SPATA31H1: variants seen among roughly 807,000 people sequenced by gnomAD.
SPATA31H1 encodes SPATA31 subfamily H member 1.
the SPATA31H1 span, among the ~76,000 whole-genome samples, chr2:27,560,159 C>G: frequency 1.3e-5 from 2 of 152,134 alleles, no homozygotes; most frequent in Non-Finnish European, 2.9e-5. Context: ...AGCCACCATG[C>G]CTGGCATTTT....
the SPATA31H1 span, among the ~76,000 whole-genome samples, chr2:27,554,571 T>TTTTTGTTTTG: frequency 0.49 from 74,254 of 150,658 alleles, 19,046 homozygotes; most frequent in East Asian, 0.84. Context: ...GAGTTTTTTG[T>TTTTTGTTTTG]TTTTGTTTTG....
the SPATA31H1 span, chr2:27,575,853 G>A: frequency 7.5e-6 from 3 of 398,274 alleles, no homozygotes; most frequent in Admixed American, 4.4e-5. This position sits in a 1 kb window ranked among gnomAD's most constrained non-coding sequence, Gnocchi z 4.1. Context: ...GTGCAACCCA[G>A]GGCCGTATTT....
the SPATA31H1 span, among the ~76,000 whole-genome samples, chr2:27,556,148 A>G: frequency 2.0e-5 from 3 of 151,664 alleles, no homozygotes; most frequent in Non-Finnish European, 4.4e-5. Flanking sequence ...AAAAAAAAAA[A>G]AAAAAAAAAT....
chr2:27,543,433 AT>A, the SPATA31H1 span, among the ~76,000 whole-genome samples: 6 of 151,254 alleles, frequency 4.0e-5, no homozygotes, highest in African/African-American at 1.5e-4. Context: ...CATTTAATTG[AT>A]TTTATATTAG....
At chr2:27,579,850 TAGC>T in the SPATA31H1 span, 1 of 1,614,184 alleles carries the variant, frequency 6.2e-7, no homozygotes, top group Non-Finnish European at 8.5e-7. Flanking sequence ...CAGCTAAAAA[TAGC>T]AGCAAAACTC....
At chr2:27,576,002 A>G in the SPATA31H1 span, 1 of 398,532 alleles carries the variant, frequency 2.5e-6, no homozygotes, top group Non-Finnish European at 4.4e-6. Flanking sequence ...AAGGTTTAAA[A>G]TCTGAATTGA....
chr2:27,566,508 G>C, the SPATA31H1 span: 1 of 638,012 alleles, frequency 1.6e-6, no homozygotes, highest in South Asian at 1.9e-5. Context: ...TGTGGGGGTA[G>C]TTCTGGGTTC....
the SPATA31H1 span, among the ~76,000 whole-genome samples, chr2:27,561,167 C>T: frequency 0.2 from 31,057 of 151,910 alleles, 3,378 homozygotes; most frequent in East Asian, 0.35. Context: ...CCTGTCCCTA[C>T]GAAAAATACA....
the SPATA31H1 span, among the ~76,000 whole-genome samples, chr2:27,543,559 A>C: frequency 9.2e-5 from 14 of 151,722 alleles, no homozygotes; most frequent in African/African-American, 3.2e-4. Context: ...AAAAAAAAAA[A>C]AATAGTCCAG....
chr2:27,558,867 G>A, the SPATA31H1 span, among the ~76,000 whole-genome samples: 2 of 118,514 alleles, frequency 1.7e-5, no homozygotes, highest in African/African-American at 3.2e-5. Flanking sequence ...TCCAGCCTTG[G>A]CTCGGCATCA....
the SPATA31H1 span, among the ~76,000 whole-genome samples, chr2:27,555,209 T>C: frequency 6.6e-6 from 1 of 151,990 alleles, no homozygotes; most frequent in African/African-American, 2.4e-5. Context: ...TTTTCTTATG[T>C]TGAAAAATCT....
chr2:27,581,245 G>A, the SPATA31H1 span: 147 of 1,614,038 alleles, frequency 9.1e-5, 3 homozygotes, highest in South Asian at 1.4e-3. Flanking sequence ...GAGAGAACCC[G>A]TCATAACCCC....
the SPATA31H1 span, chr2:27,568,591 C>A: frequency 2.5e-6 from 1 of 399,016 alleles, no homozygotes; most frequent in Non-Finnish European, 4.4e-6. Context: ...GGTAGGAGAT[C>A]TGTTCATCTG....
the SPATA31H1 span, among the ~76,000 whole-genome samples, chr2:27,548,182 C>T: frequency 5.3e-5 from 8 of 151,628 alleles, no homozygotes; most frequent in Admixed American, 1.3e-4. Context: ...GGGGTTTCAC[C>T]GTGGTCTGGA....
the SPATA31H1 span, chr2:27,578,026 T>C: frequency 6.2e-7 from 1 of 1,614,048 alleles, no homozygotes; most frequent in Non-Finnish European, 8.5e-7. Context: ...CTAGATCAAG[T>C]CACAGAATCT....
At chr2:27,539,378 AT>A in the SPATA31H1 span, among the ~76,000 whole-genome samples, 1 of 134,516 alleles carries the variant, frequency 7.4e-6, no homozygotes, top group African/African-American at 3.0e-5. Flanking sequence ...ACCGCCCTTA[AT>A]CCATTTAACC....
chr2:27,561,732 C>T, the SPATA31H1 span, among the ~76,000 whole-genome samples: 7 of 151,958 alleles, frequency 4.6e-5, no homozygotes, highest in East Asian at 1.9e-4. Flanking sequence ...GACAGGGTTT[C>T]GCTCTTTCAC....
the SPATA31H1 span, chr2:27,578,940 T>C: frequency 6.2e-7 from 1 of 1,614,052 alleles, no homozygotes; most frequent in East Asian, 2.2e-5. Context: ...GATACAATCT[T>C]TAACTTTTCC....
the SPATA31H1 span, among the ~76,000 whole-genome samples, chr2:27,554,690 C>T: frequency 2.0e-5 from 3 of 152,100 alleles, 1 homozygote; most frequent in African/African-American, 4.8e-5. Flanking sequence ...TCTTGTGCCT[C>T]AGCTATTTGA....
Sources: allele counts gnomAD v4.1 joint callset (sites outside exome capture counted in the v4.1 genomes callset), GRCh38; gene constraint gnomAD v4.1.1; non-coding constraint Gnocchi (gnomAD v3.1); transcripts MANE v1.5; gene names NCBI Gene and HGNC (gene_info 2026-07-23, HGNC 2026-07-21).